The following EYS variants were observed in gnomAD, a reference collection of about 807,000 sequenced individuals.
EYS encodes the protein EGF-like photoreceptor maintenance factor, also known as protein eyes shut homolog.
EYS carries 250 observed loss-of-function variants against 282.1 expected under a neutral mutation model. That is an observed-to-expected ratio of 0.89 (90% CI 0.80 to 0.98). EYS has a LOEUF of 0.98. Among genes scored for constraint, EYS ranks in the 50% least tolerant of loss-of-function variants. EYS has a pLI of 0.00. For missense variants in EYS, 4,016 were observed against 3,709.0 expected, an observed-to-expected ratio of 1.08 and a Z score of -2.15; for synonymous variants, 1,355 against 1,282.9, an observed-to-expected ratio of 1.06 and a Z score of -1.20.
In EYS at chr6:65,296,097, T is replaced by C. The variant is rs1768657290; in HGVS notation, c.1789A>G (p.Ile597Val). The change falls in exon 12 of 43, where the codon ATT becomes GTT. Residue 597 changes from isoleucine to valine, a missense_variant. By Grantham distance (29) the Ile-to-Val change is conservative. Coordinates refer to ENST00000503581, the MANE Select transcript of EYS (RefSeq NM_001142800.2). ...RPRCSCSLSY[I>V]GRLCVVNVDY... Reference sequence around the variant, plus strand: ...ACATTGACAACACACAATCTGCCAATGTAACTAAGAGAACAGCTGCATCTG... The same window carrying C: ...ACATTGACAACACACAATCTGCCAACGTAACTAAGAGAACAGCTGCATCTG... 3 of 1,549,442 alleles carry C rather than the reference T, an allele frequency of 1.9e-6. No individual in the cohort carries two copies. The Middle Eastern group carries it at 5.0e-4, about 259-fold the overall frequency.
chr6:64,853,374 T>C (rs1397187647), intron 19 of EYS, among the ~76,000 whole-genome samples: 2 of 152,112 alleles, frequency 1.3e-5, no homozygotes, highest in African/African-American at 4.8e-5. Context: ...TATGTGCCAT[T>C]AGATAATTTT....
At chr6:64,143,589 C>T (rs1774414300) in intron 31 of EYS, among the ~76,000 whole-genome samples, 1 of 152,068 alleles carries the variant, frequency 6.6e-6, no homozygotes, top group Admixed American at 6.6e-5. Flanking sequence ...GGTGGAGATA[C>T]CCACTAATGA....
In EYS at chr6:64,677,645, T is replaced by C. The variant is rs540016793; in HGVS notation, c.3444-51400A>G. Among the ~76,000 whole-genome samples the C allele has an allele frequency of 5.6e-4, 86 of 152,288 alleles. 1 individual carries two copies. In the South Asian group the frequency reaches 0.017, roughly 31 times the overall value. ...GAAAATATGCAGTGAATGATACTTT[T>C]ACTATGTTGGTTTATGAAATAAAAC... On this transcript the variant is annotated intron_variant, in intron 22 of 42. Coordinates refer to ENST00000503581, the MANE Select transcript of EYS (RefSeq NM_001142800.2).
intron 5 of EYS, among the ~76,000 whole-genome samples, chr6:65,432,120 T>C (rs953756704): frequency 1.3e-5 from 2 of 152,156 alleles, no homozygotes; most frequent in African/African-American, 2.4e-5. Context: ...TATTTGTAGA[T>C]AGAACATTAG....
At chr6:64,099,826 C>A (rs1772764393) in intron 31 of EYS, among the ~76,000 whole-genome samples, 1 of 152,054 alleles carries the variant, frequency 6.6e-6, no homozygotes, top group Admixed American at 6.6e-5. Context: ...GGACAACTGG[C>A]ACACTAAGAA....
chr6:64,710,405 A>G (rs55931380), intron 22 of EYS, among the ~76,000 whole-genome samples: 19,131 of 152,176 alleles, frequency 0.13, 1,409 homozygotes, highest in East Asian at 0.35. Context: ...TGCATAGGGC[A>G]CCAATTCACC....
rs1293658324 is a variant in EYS at position 63,762,582 on chromosome 6, A to T, written c.7950T>A (p.Ser2650=). The change falls in exon 41 of 43, where the codon TCT becomes TCA. Residue 2650 remains serine (S), a synonymous_variant. Coordinates refer to ENST00000503581, the MANE Select transcript of EYS (RefSeq NM_001142800.2). ...WKGSFCTETV[S]TCDPEHDPPH... ...GAGGGTCATGTTCAGGATCACAGGT[A>T]GAAACTGTCTCTGTGCAGAATGATC... is the stretch of plus-strand genomic sequence containing the variant. The T allele has an allele frequency of 6.5e-7, 1 of 1,550,364 alleles. No individual in the cohort carries two copies. The highest frequency in any genetic ancestry group is 1.4e-5 in the African/African-American group (1 of 72,950).
chr6:64,886,596 G>T, intron 19 of EYS, 101 bp downstream of exon 19: 2 of 927,244 alleles, frequency 2.2e-6, no homozygotes, highest in East Asian at 3.2e-5. Flanking sequence ...TGCCCTGTTT[G>T]CATCTGGCAG....
chr6:64,026,848 AC>A (rs1374898021), intron 33 of EYS, among the ~76,000 whole-genome samples: 1 of 152,064 alleles, frequency 6.6e-6, no homozygotes, highest in Non-Finnish European at 1.5e-5. Context: ...ATTTGGCCCA[AC>A]CCGGGTACAT....
intron 41 of EYS, among the ~76,000 whole-genome samples, chr6:63,738,999 A>G (rs1405783160): frequency 1.3e-5 from 2 of 152,158 alleles, no homozygotes; most frequent in African/African-American, 4.8e-5. Flanking sequence ...CCACTAATAA[A>G]TAAATGTATG....
chr6:65,603,647 T>G (rs146206093), intron 2 of EYS, among the ~76,000 whole-genome samples: 135 of 152,110 alleles, frequency 8.9e-4, no homozygotes, highest in Non-Finnish European at 1.2e-3. Context: ...TTCTGTTCAT[T>G]TTAAACTTGA....
intron 2 of EYS, among the ~76,000 whole-genome samples, chr6:65,519,702 ATATATATTTTTTT>A (rs1767280881): frequency 2.7e-5 from 1 of 36,748 alleles, no homozygotes; most frequent in Non-Finnish European, 4.4e-5. Context: ...ATATATATAT[ATATATATTTTTTT>A]TTTTTTTTTT....
At chr6:64,555,784 A>G (rs1765215611) in intron 26 of EYS, among the ~76,000 whole-genome samples, 1 of 151,996 alleles carries the variant, frequency 6.6e-6, no homozygotes, top group South Asian at 2.1e-4. Context: ...GTATTAAATT[A>G]TCACATGTAT....
At chr6:64,801,394 T>A (rs949005697) in intron 22 of EYS, among the ~76,000 whole-genome samples, 19 of 152,132 alleles carry the variant, frequency 1.2e-4, no homozygotes, top group Non-Finnish European at 2.8e-4. Context: ...AAAACTGTAT[T>A]TTTATCAATT....
rs149437001 is a variant in EYS at position 64,090,180 on chromosome 6, A to G, written c.6425-8178T>C. 5.8e-3 allele frequency among the ~76,000 whole-genome samples: 886 copies of G among 152,278 alleles called. 7 individuals carry two copies. Among genetic ancestry groups the G allele is most frequent in the Non-Finnish European group, 0.011 (744 of 67,974 alleles). The stretch of plus-strand genomic sequence containing the variant: ...TATTTCTCATTGTACTTGACATGCC[A>G]TAATAGCTACCATTCTCTCTCTAGT... On this transcript the variant is annotated intron_variant, in intron 31 of 42. Coordinates refer to ENST00000503581, the MANE Select transcript of EYS (RefSeq NM_001142800.2).
rs1562254227 is a variant in EYS, at chr6:65,550,143, C to CTTTCTTTTTTTTTTTTTTT, written c.-332-54151_-332-54150insAAAAAAAAAAAAAAAGAAA. On this transcript the variant is annotated intron_variant, in intron 2 of 42. Coordinates refer to ENST00000503581, the MANE Select transcript of EYS (RefSeq NM_001142800.2). Reference sequence around the variant, plus strand: ...AAGTTAGTATCTGACTCTACTATATCTTTTTTTTTTTTTTTTTTTTTTTTT... The same window carrying CTTTCTTTTTTTTTTTTTTT: ...AAGTTAGTATCTGACTCTACTATATCTTTCTTTTTTTTTTTTTTTTTTTTTTTTTTTTTTTTTTTTTTTT... Among the ~76,000 whole-genome samples the CTTTCTTTTTTTTTTTTTTT allele has an allele frequency of 2.0e-3, 12 of 5,956 alleles. 5 individuals are homozygous for CTTTCTTTTTTTTTTTTTTT. The highest frequency in any genetic ancestry group is 0.02 in the South Asian group (2 of 98). The allele number at this position is 5,956 out of a possible 152,430, so 3.9% of individuals were successfully genotyped here.
At chr6:64,524,863 A>AAAC (rs992806150) in intron 26 of EYS, among the ~76,000 whole-genome samples, 2 of 151,704 alleles carry the variant, frequency 1.3e-5, no homozygotes, top group African/African-American at 4.8e-5. Flanking sequence ...AAAGTGGGCA[A>AAAC]AACACATAAA....
chr6:64,791,329 A>G (rs1241302449), intron 22 of EYS, among the ~76,000 whole-genome samples: 1 of 151,864 alleles, frequency 6.6e-6, no homozygotes, highest in Non-Finnish European at 1.5e-5. Context: ...ACACATACAC[A>G]TACATTAGGT....
chr6:64,772,110 T>A (rs765540284), intron 22 of EYS, among the ~76,000 whole-genome samples: 1 of 151,766 alleles, frequency 6.6e-6, no homozygotes, highest in African/African-American at 2.4e-5. Flanking sequence ...CAATTAATTT[T>A]ATAAAAATAT....
Sources: gnomAD v4.1 joint callset for allele counts (sites outside exome capture counted in the v4.1 genomes callset) on GRCh38, gnomAD v4.1.1 for gene constraint, MANE v1.5 for transcripts, NCBI Gene and HGNC (gene_info 2026-07-23, HGNC 2026-07-21) for gene names.